TNIK: variants seen among roughly 807,000 people sequenced by gnomAD.
TNIK encodes TRAF2 and NCK-interacting protein kinase.
In TNIK, 49 loss-of-function variants were observed where a neutral mutation model predicts 191.3. That is an observed-to-expected ratio of 0.26 (90% confidence interval 0.20 to 0.32). The LOEUF is 0.32. Among genes scored for constraint, TNIK ranks in the 10% least tolerant of loss-of-function variants. TNIK has a pLI of 1.00. For missense variants in TNIK, 1,155 were observed against 1,702.3 expected (o/e 0.68, Z 5.66); for synonymous variants, 594 against 600.9 (o/e 0.99, Z 0.17).
chr3:171,347,408 C>T (rs1432001200), intron 2 of TNIK, among the ~76,000 whole-genome samples: 2 of 148,838 alleles, frequency 1.3e-5, no homozygotes, highest in African/African-American at 4.9e-5. Flanking sequence ...CACACACACA[C>T]ACACACACAC....
intron 2 of TNIK, among the ~76,000 whole-genome samples, chr3:171,247,465 G>C (rs1745722868): frequency 1.3e-5 from 2 of 152,352 alleles, no homozygotes; most frequent in Non-Finnish European, 2.9e-5. Flanking sequence ...GCCATTCTTT[G>C]AGACAGAAGA....
chr3:171,417,263 C>G (rs1723207056), intron 1 of TNIK, among the ~76,000 whole-genome samples: 1 of 152,096 alleles, frequency 6.6e-6, no homozygotes, highest in Admixed American at 6.6e-5. Context: ...ATAAGTGACT[C>G]AATAAATTAG....
chr3:171,189,709 G>GA (rs1196474653), intron 6 of TNIK, among the ~76,000 whole-genome samples: 4 of 152,148 alleles, frequency 2.6e-5, no homozygotes, highest in Admixed American at 6.5e-5. Flanking sequence ...ATAATCTATA[G>GA]AAAATTGTCT....
At chr3:171,095,941 A>G (rs1295135915) in intron 22 of TNIK, among the ~76,000 whole-genome samples, 1 of 152,170 alleles carries the variant, frequency 6.6e-6, no homozygotes, top group Non-Finnish European at 1.5e-5. Flanking sequence ...ATTTTGATAG[A>G]TTGGTAAATC....
chr3:171,254,031 T>G (rs1300066550), intron 2 of TNIK, among the ~76,000 whole-genome samples: 6 of 152,340 alleles, frequency 3.9e-5, no homozygotes, highest in Non-Finnish European at 7.4e-5. Flanking sequence ...TTACATTTAG[T>G]GTTTTTAATA....
intron 2 of TNIK, among the ~76,000 whole-genome samples, chr3:171,306,516 C>T (rs962167293): frequency 6.6e-6 from 1 of 152,072 alleles, no homozygotes; most frequent in Non-Finnish European, 1.5e-5. Context: ...ATGCCAGCTG[C>T]GCTTCTCAGG....
chr3:171,211,638 A>G (rs939384740), intron 3 of TNIK, among the ~76,000 whole-genome samples: 1 of 152,096 alleles, frequency 6.6e-6, no homozygotes, highest in Non-Finnish European at 1.5e-5. Context: ...AGATATTAAA[A>G]CCGTGGGCGC....
chr3:171,307,977 T>C (rs1753632734), intron 2 of TNIK, among the ~76,000 whole-genome samples: 2 of 152,166 alleles, frequency 1.3e-5, no homozygotes. Context: ...GAAGAATCGA[T>C]ATTGTTAAAT....
intron 2 of TNIK, among the ~76,000 whole-genome samples, chr3:171,368,999 C>T (rs1292698394): frequency 2.0e-5 from 3 of 149,104 alleles, no homozygotes; most frequent in African/African-American, 7.4e-5. Flanking sequence ...AGCCATTTTT[C>T]GTAGATTATA....
In TNIK at chr3:171,141,137, A is replaced by G. The variant is rs114016013; in HGVS notation, c.1222-628T>C. Among the ~76,000 whole-genome samples the G allele has an allele frequency of 5.4e-3, 820 of 152,274 alleles. 9 individuals are homozygous for G. The highest frequency in any genetic ancestry group is 0.019 in the African/African-American group (790 of 41,542). ...CTTATGCTTGGGAGCCATCATCATC[A>G]TCATCGTCATCGTCAATCATCGTCA... On this transcript the variant is annotated intron_variant, in intron 12 of 32. Coordinates refer to ENST00000436636, the MANE Select transcript of TNIK (RefSeq NM_015028.4).
intron 12 of TNIK, among the ~76,000 whole-genome samples, chr3:171,143,163 C>T (rs536339784): frequency 4.6e-5 from 7 of 152,320 alleles, no homozygotes; most frequent in African/African-American, 1.7e-4. Context: ...TCTGCCAGGG[C>T]TTTGGTTCCT....
intron 12 of TNIK, among the ~76,000 whole-genome samples, chr3:171,151,491 C>T (rs185414315): frequency 1.5e-4 from 23 of 152,322 alleles, no homozygotes; most frequent in African/African-American, 5.3e-4. Flanking sequence ...TGAGGGCTCA[C>T]TATGTGTTAG....
chr3:171,316,654 G>A (rs999097336), intron 2 of TNIK, among the ~76,000 whole-genome samples: 2 of 152,076 alleles, frequency 1.3e-5, no homozygotes, highest in African/African-American at 2.4e-5. Flanking sequence ...AGGCTATTCT[G>A]AGTGCAGTAA....
At chr3:171,343,502 G>A (rs1197502593) in intron 2 of TNIK, among the ~76,000 whole-genome samples, 1 of 152,186 alleles carries the variant, frequency 6.6e-6, no homozygotes, top group African/African-American at 2.4e-5. Flanking sequence ...AATGTGCCCA[G>A]GATGGAGGGA....
intron 17 of TNIK, 26 bp from the exon 18 acceptor site, chr3:171,123,728 A>G (rs1262348757): frequency 9.1e-6 from 14 of 1,535,952 alleles, no homozygotes; most frequent in Middle Eastern, 1.7e-4. Flanking sequence ...ATTCAGAAAT[A>G]TTTTCCATAA....
At chr3:171,421,033 T>G (rs1476159619) in intron 1 of TNIK, among the ~76,000 whole-genome samples, 1 of 152,176 alleles carries the variant, frequency 6.6e-6, no homozygotes, top group Admixed American at 6.6e-5. Flanking sequence ...CTGTGGAAAA[T>G]GAACCCACAG....
At chr3:171,374,878 T>C (rs1457847680) in intron 1 of TNIK, among the ~76,000 whole-genome samples, 1 of 152,222 alleles carries the variant, frequency 6.6e-6, no homozygotes, top group Non-Finnish European at 1.5e-5. Flanking sequence ...GTGGATGCTA[T>C]CATTATCTTT....
intron 2 of TNIK, among the ~76,000 whole-genome samples, chr3:171,368,548 G>T (rs549860180): frequency 6.6e-6 from 1 of 152,072 alleles, no homozygotes; most frequent in African/African-American, 2.4e-5. Context: ...GGAAATAATC[G>T]TTTCTTGCAA....
At chr3:171,177,492 CA>C (rs1366359324) in intron 7 of TNIK, 112 bp from the exon 8 acceptor site, 2 of 1,313,220 alleles carry the variant, frequency 1.5e-6, no homozygotes, top group Non-Finnish European at 2.1e-6. Context: ...TTTCTGTTTA[CA>C]AACCTATTTC....
Sources: allele counts gnomAD v4.1 joint callset (sites outside exome capture counted in the v4.1 genomes callset), GRCh38; gene constraint gnomAD v4.1.1; transcripts MANE v1.5; gene names NCBI Gene and HGNC (gene_info 2026-07-23, HGNC 2026-07-21).